PEX5L: variants seen among roughly 807,000 people sequenced by gnomAD.
The protein encoded by PEX5L is peroxisomal biogenesis factor 5 like, also known as PEX5-related protein.
Under a neutral mutation model 84.0 loss-of-function variants are expected in PEX5L, and 30 were observed. The observed-to-expected ratio is 0.36, with a 90% CI of 0.27 to 0.48. The LOEUF (loss-of-function observed/expected upper bound fraction) is 0.48, where lower values mean the gene tolerates loss of function less well. PEX5L is among the 20% of genes least tolerant of loss of function. The probability of loss-of-function intolerance (pLI) is 0.99; values close to 1 mark genes in which losing one functional copy is unlikely to be tolerated. For synonymous variants in PEX5L, 270 were observed against 283.1 expected, an observed-to-expected ratio of 0.95 and a Z score of 0.46; for missense variants, 533 against 754.6, an observed-to-expected ratio of 0.71 and a Z score of 3.44.
rs545252384 is a variant in PEX5L at position 179,867,683 on chromosome 3, C to T, written c.726+6644G>A. On this transcript the variant is annotated intron_variant, in intron 7 of 14. Coordinates refer to ENST00000467460, the MANE Select transcript of PEX5L (RefSeq NM_016559.3). ...TCTTTCCAATGCTTTCCTTGCCTCG[C>T]GGAGAGTAAACATTCAAACACATTT... is the stretch of plus-strand genomic sequence containing the variant. Among the ~76,000 whole-genome samples the T allele has an allele frequency of 6.6e-5, 10 of 152,152 alleles. No homozygotes were observed. The South Asian group carries it at 8.3e-4, about 13-fold the overall frequency.
chr3:179,928,602 GGAT>G (rs1166703363), intron 2 of PEX5L, among the ~76,000 whole-genome samples: 3 of 152,176 alleles, frequency 2.0e-5, no homozygotes, highest in Non-Finnish European at 4.4e-5. Context: ...AACTGATTCT[GGAT>G]TGAATTTTAA....
intron 2 of PEX5L, among the ~76,000 whole-genome samples, chr3:179,969,808 C>T (rs1207959137): frequency 6.6e-6 from 1 of 152,140 alleles, no homozygotes; most frequent in African/African-American, 2.4e-5. Context: ...CAGAGGCAAA[C>T]AGCGACTCTG....
intron 2 of PEX5L, among the ~76,000 whole-genome samples, chr3:179,903,032 A>G (rs1297274881): frequency 6.6e-6 from 1 of 151,954 alleles, no homozygotes; most frequent in Non-Finnish European, 1.5e-5. Context: ...AAAATTAACA[A>G]CTCTAATATT....
chr3:179,820,040 T>C (rs1001668), intron 8 of PEX5L, 64 bp from the exon 9 acceptor site: 55,817 of 1,607,654 alleles, frequency 0.035, 1,148 homozygotes, highest in Non-Finnish European at 0.041. Flanking sequence ...TGTGTTTTTC[T>C]TCCCCCCCTA....
chr3:179,818,452 A>G (rs925178494), intron 9 of PEX5L, among the ~76,000 whole-genome samples: 1 of 152,120 alleles, frequency 6.6e-6, no homozygotes, highest in Non-Finnish European at 1.5e-5. Context: ...AAAGAATCCA[A>G]TTATACTGTT....
At chr3:179,884,966 T>C (rs1755321181) in intron 4 of PEX5L, among the ~76,000 whole-genome samples, 2 of 151,898 alleles carry the variant, frequency 1.3e-5, no homozygotes, top group Admixed American at 6.6e-5. Flanking sequence ...AAATATTTCC[T>C]AAATTTTTTT....
chr3:180,004,216 G>A (rs142027899), intron 1 of PEX5L, among the ~76,000 whole-genome samples: 394 of 152,274 alleles, frequency 2.6e-3, no homozygotes, highest in African/African-American at 8.9e-3. Context: ...GTCCTCAAAC[G>A]TAATGTTTAG....
intron 1 of PEX5L, among the ~76,000 whole-genome samples, chr3:180,016,027 G>T (rs9816662): frequency 0.015 from 2,239 of 151,920 alleles, 69 homozygotes; most frequent in African/African-American, 0.051. Flanking sequence ...TAGTGATTTA[G>T]GTCACAACAA....
chr3:179,991,339 C>A (rs1787357879), intron 1 of PEX5L, among the ~76,000 whole-genome samples: 1 of 152,174 alleles, frequency 6.6e-6, no homozygotes, highest in East Asian at 1.9e-4. Flanking sequence ...GCCAAGGTGA[C>A]TATATCTACT....
At chr3:179,975,239 T>A (rs1198874935) in intron 1 of PEX5L, among the ~76,000 whole-genome samples, 1 of 151,996 alleles carries the variant, frequency 6.6e-6, no homozygotes, top group Non-Finnish European at 1.5e-5. Context: ...GCCACAGATA[T>A]GGGATGTATC....
intron 1 of PEX5L, among the ~76,000 whole-genome samples, chr3:179,999,351 C>A (rs1417812756): frequency 6.6e-6 from 1 of 152,136 alleles, no homozygotes; most frequent in East Asian, 1.9e-4. Flanking sequence ...AGCCTCTTCC[C>A]CCAGCCACCC....
At chr3:179,866,854 G>C (rs1382006677) in intron 7 of PEX5L, among the ~76,000 whole-genome samples, 1 of 151,588 alleles carries the variant, frequency 6.6e-6, no homozygotes, top group Non-Finnish European at 1.5e-5. Context: ...GCAAAACCCT[G>C]TCTCTACTAA....
chr3:179,953,517 A>T (rs913930783), intron 2 of PEX5L, among the ~76,000 whole-genome samples: 16 of 152,212 alleles, frequency 1.1e-4, no homozygotes, highest in Middle Eastern at 3.2e-3. Flanking sequence ...TATTGCATGC[A>T]GGTGTAACCA....
rs763256572 is a variant in PEX5L, at chr3:179,798,351, G to A, written c.*3477C>T. The A allele has an allele frequency of 1.3e-5, 2 of 152,188 alleles. No individual in the cohort carries two copies. Among genetic ancestry groups the A allele is most frequent in the Non-Finnish European group, 2.9e-5 (2 of 68,046 alleles). 9.4% of individuals were successfully genotyped at this position (152,188 alleles called of 1,614,324 possible). A position where few individuals can be genotyped will look rare whatever the true frequency, so the allele number is the denominator to read the frequency against. On this transcript the variant is annotated 3_prime_UTR_variant, in exon 15 of 15. Transcript: ENST00000467460. ...ACCCATTTTTCAGGAGTCATGGGGA[G>A]TGAGTTTTGGAGGAAGTAAAGGGAA...
At chr3:179,929,489 A>ATT (rs5854851) in intron 2 of PEX5L, among the ~76,000 whole-genome samples, 2 of 129,136 alleles carry the variant, frequency 1.5e-5, no homozygotes, top group Admixed American at 7.5e-5. Context: ...TGAAGTTGCC[A>ATT]TTTTTTTTTT....
At chr3:179,990,470 T>C (rs1476701565) in intron 1 of PEX5L, among the ~76,000 whole-genome samples, 2 of 152,090 alleles carry the variant, frequency 1.3e-5, no homozygotes, top group Non-Finnish European at 2.9e-5. Flanking sequence ...ATGATCAATG[T>C]TCACTGTAGG....
At chr3:179,854,572 A>G (rs1212177782) in intron 8 of PEX5L, among the ~76,000 whole-genome samples, 4 of 152,192 alleles carry the variant, frequency 2.6e-5, no homozygotes, top group African/African-American at 7.2e-5. Flanking sequence ...CTTCAGGCAG[A>G]ATTGTTTAAT....
chr3:179,802,173 A>C, intron 14 of PEX5L, 141 bp from the exon 15 acceptor site: 1 of 645,806 alleles, frequency 1.5e-6, no homozygotes, highest in Non-Finnish European at 2.7e-6. Context: ...GATCAAATGA[A>C]CAACTTTCTA....
intron 1 of PEX5L, among the ~76,000 whole-genome samples, chr3:180,012,534 T>C (rs1789578889): frequency 6.6e-6 from 1 of 152,178 alleles, no homozygotes. Flanking sequence ...AGAAGAATTA[T>C]ATGATTATAG....
Sources: allele counts gnomAD v4.1 joint callset (sites outside exome capture counted in the v4.1 genomes callset), GRCh38; gene constraint gnomAD v4.1.1; transcripts MANE v1.5; gene names NCBI Gene and HGNC (gene_info 2026-07-23, HGNC 2026-07-21).